BCKDHB: variants seen among roughly 807,000 people sequenced by gnomAD.
The protein encoded by BCKDHB is branched chain keto acid dehydrogenase E1 subunit beta, also known as 2-oxoisovalerate dehydrogenase subunit beta, mitochondrial.
A neutral mutation model predicts 48.5 loss-of-function variants in BCKDHB; 41 were observed. The observed-to-expected ratio is 0.85, with a 90% CI of 0.66 to 1.10. The LOEUF is 1.10. Among genes scored for constraint, BCKDHB ranks in the 50% least tolerant of loss-of-function variants. The pLI, the probability that BCKDHB is intolerant of heterozygous loss-of-function variation, is 0.00. For missense variants in BCKDHB, 496 were observed against 494.2 expected, an observed-to-expected ratio of 1.00 and a Z score of -0.03; for synonymous variants, 201 against 174.8, an observed-to-expected ratio of 1.15 and a Z score of -1.18.
intron 8 of BCKDHB, among the ~76,000 whole-genome samples, chr6:80,238,392 CCCAG>C (rs1372134409): frequency 6.6e-6 from 1 of 152,162 alleles, no homozygotes; most frequent in African/African-American, 2.4e-5. Flanking sequence ...AGCCATCCTG[CCCAG>C]CCTTATCTTT....
intron 8 of BCKDHB, among the ~76,000 whole-genome samples, chr6:80,236,004 C>T (rs891234981): frequency 4.6e-5 from 7 of 152,196 alleles, no homozygotes; most frequent in African/African-American, 1.7e-4. Flanking sequence ...TTAACCTGTG[C>T]TCCATGTGGA....
At chr6:80,291,692 T>G in intron 9 of BCKDHB, among the ~76,000 whole-genome samples, 1 of 152,076 alleles carries the variant, frequency 6.6e-6, no homozygotes, top group Admixed American at 6.6e-5. Flanking sequence ...AGATCACTGG[T>G]TGGTTCACAG....
At chr6:80,117,937 T>C (rs1769794738) in intron 1 of BCKDHB, among the ~76,000 whole-genome samples, 1 of 152,164 alleles carries the variant, frequency 6.6e-6, no homozygotes, top group South Asian at 2.1e-4. Flanking sequence ...GGTTAGTGTC[T>C]CCCCAACCAA....
chr6:80,357,624 C>T, the BCKDHB span, among the ~76,000 whole-genome samples: 34 of 152,198 alleles, frequency 2.2e-4, no homozygotes, highest in Non-Finnish European at 4.3e-4. Flanking sequence ...TACAAAACTT[C>T]GACCTTGAAG....
intron 8 of BCKDHB, among the ~76,000 whole-genome samples, chr6:80,259,868 C>T (rs1203982695): frequency 6.6e-6 from 1 of 152,102 alleles, no homozygotes; most frequent in East Asian, 1.9e-4. Context: ...ATGTAGGTAA[C>T]CTCTGGGACC....
intron 1 of BCKDHB, among the ~76,000 whole-genome samples, chr6:80,117,571 G>A (rs935723506): frequency 1.3e-5 from 2 of 152,192 alleles, no homozygotes; most frequent in Non-Finnish European, 2.9e-5. Flanking sequence ...TGACACCCAC[G>A]CTGCAAAGTT....
chr6:80,415,423 CCTT>C, the BCKDHB span, among the ~76,000 whole-genome samples: 1 of 151,946 alleles, frequency 6.6e-6, no homozygotes, highest in Non-Finnish European at 1.5e-5. Context: ...CATAGATGGT[CCTT>C]ATTATTTTGA....
chr6:80,156,254 C>G (rs1772041290), intron 3 of BCKDHB, among the ~76,000 whole-genome samples: 1 of 151,732 alleles, frequency 6.6e-6, no homozygotes. Context: ...CAACTAGATA[C>G]TACCACATGG....
At chr6:80,118,853 C>A (rs764545080) in intron 1 of BCKDHB, among the ~76,000 whole-genome samples, 1 of 152,180 alleles carries the variant, frequency 6.6e-6, no homozygotes, top group East Asian at 1.9e-4. Flanking sequence ...AGGTTGCATA[C>A]GTAAAGAGCA....
chr6:80,413,007 G>A, the BCKDHB span, among the ~76,000 whole-genome samples: 1 of 152,006 alleles, frequency 6.6e-6, no homozygotes, highest in Non-Finnish European at 1.5e-5. Flanking sequence ...CAACCTATTT[G>A]GAGTTCTTTG....
chr6:80,240,130 A>G (rs1197205963), intron 8 of BCKDHB, among the ~76,000 whole-genome samples: 5 of 152,134 alleles, frequency 3.3e-5, no homozygotes, highest in Non-Finnish European at 7.4e-5. Context: ...ATTTTTTCCA[A>G]TGCTGTGAAG....
chr6:80,161,301 C>A (rs541034320), intron 3 of BCKDHB, among the ~76,000 whole-genome samples: 1 of 150,868 alleles, frequency 6.6e-6, no homozygotes, highest in African/African-American at 2.4e-5. Context: ...TTTTATACTA[C>A]CTGAGCTAAG....
the BCKDHB span, chr6:80,356,829 A>G: frequency 6.6e-6 from 1 of 152,044 alleles, no homozygotes; most frequent in African/African-American, 2.4e-5. Context: ...CCTGGAATCA[A>G]TAAAATATGG....
intron 1 of BCKDHB, among the ~76,000 whole-genome samples, chr6:80,113,202 AAC>A (rs778324861): frequency 1.3e-5 from 2 of 152,234 alleles, no homozygotes; most frequent in Non-Finnish European, 2.9e-5. Context: ...GGCCAACTGC[AAC>A]ACACGTAAGG....
intron 6 of BCKDHB, among the ~76,000 whole-genome samples, chr6:80,193,908 C>T (rs1440918231): frequency 1.3e-5 from 2 of 152,088 alleles, no homozygotes; most frequent in Non-Finnish European, 2.9e-5. Flanking sequence ...ATATTCAGAA[C>T]TCAGTTAAAT....
At chr6:80,434,604 T>C in the BCKDHB span, among the ~76,000 whole-genome samples, 2 of 152,214 alleles carry the variant, frequency 1.3e-5, no homozygotes, top group Admixed American at 6.5e-5. Context: ...TGTTTTGATG[T>C]CTAATTAATT....
chr6:80,394,928 A>C, the BCKDHB span, among the ~76,000 whole-genome samples: 1 of 152,138 alleles, frequency 6.6e-6, no homozygotes, highest in East Asian at 1.9e-4. Flanking sequence ...TGATGGTTTT[A>C]TAAGGAGCTT....
At chr6:80,308,975 G>A (rs1342084729) in intron 9 of BCKDHB, among the ~76,000 whole-genome samples, 6 of 151,756 alleles carry the variant, frequency 4.0e-5, no homozygotes, top group African/African-American at 1.2e-4. Flanking sequence ...AGTTTATTGT[G>A]TACTTGCTAT....
chr6:80,351,182 G>A (rs1303452871), downstream of BCKDHB, among the ~76,000 whole-genome samples: 2 of 152,110 alleles, frequency 1.3e-5, no homozygotes, highest in African/African-American at 4.8e-5. Flanking sequence ...CCTTCATATA[G>A]GGCTAAATTC....
Sources: allele counts gnomAD v4.1 joint callset (sites outside exome capture counted in the v4.1 genomes callset), GRCh38; gene constraint gnomAD v4.1.1; transcripts MANE v1.5; gene names NCBI Gene and HGNC (gene_info 2026-07-23, HGNC 2026-07-21).